Variants in IQGAP1 observed in about 807,000 individuals in gnomAD.
IQGAP1 encodes the protein ras GTPase-activating-like protein IQGAP1.
A neutral mutation model predicts 215.6 loss-of-function variants in IQGAP1; 66 were observed. The observed-to-expected ratio is 0.31, with a 90% confidence interval of 0.25 to 0.38. IQGAP1 has a LOEUF of 0.38. IQGAP1 is among the 10% of genes least tolerant of loss of function. IQGAP1 has a pLI of 1.00. For missense variants in IQGAP1, 1,712 were observed against 1,997.1 expected, an observed-to-expected ratio of 0.86 and a Z score of 2.72; for synonymous variants, 772 against 728.7, an observed-to-expected ratio of 1.06 and a Z score of -0.96.
chr15:90,447,468 A>T (rs184933037), intron 9 of IQGAP1, among the ~76,000 whole-genome samples: 1 of 152,110 alleles, frequency 6.6e-6, no homozygotes, highest in Admixed American at 6.5e-5. Context: ...TTTTTTACTA[A>T]TGAAAACATT....
chr15:90,441,789 CAA>C, intron 8 of IQGAP1, 105 bp downstream of exon 8: 1 of 758,992 alleles, frequency 1.3e-6, no homozygotes, highest in South Asian at 2.0e-5. Flanking sequence ...TTACATACAA[CAA>C]AATTCACCGG....
chr15:90,422,791 G>C (rs1031043769), intron 2 of IQGAP1, among the ~76,000 whole-genome samples: 7 of 151,434 alleles, frequency 4.6e-5, no homozygotes, highest in African/African-American at 1.7e-4. Flanking sequence ...GACCTCCTGG[G>C]CTCAAACGGT....
At chr15:90,390,902 T>A in intron 2 of IQGAP1, 29 bp downstream of exon 2, 1 of 1,298,440 alleles carries the variant, frequency 7.7e-7, no homozygotes, top group Non-Finnish European at 1.1e-6. Flanking sequence ...GAGAGAAGAT[T>A]AAGAGAAGGG....
At chr15:90,484,080 A>G in intron 29 of IQGAP1, 140 bp from the exon 30 acceptor site, 1 of 737,690 alleles carries the variant, frequency 1.4e-6, no homozygotes, top group Non-Finnish European at 2.3e-6. Flanking sequence ...CAAGCACAGC[A>G]AACACACAGC....
intron 2 of IQGAP1, among the ~76,000 whole-genome samples, chr15:90,413,419 A>T (rs192092680): frequency 8.5e-5 from 13 of 152,376 alleles, no homozygotes; most frequent in African/African-American, 2.6e-4. Flanking sequence ...AGAATGCCTC[A>T]GCAAGAGAGA....
intron 26 of IQGAP1, among the ~76,000 whole-genome samples, chr15:90,478,242 C>T (rs905624026): frequency 6.6e-6 from 1 of 152,162 alleles, no homozygotes; most frequent in Admixed American, 6.5e-5. Context: ...CCATCTGCCT[C>T]GGCCTCCCAA....
intron 2 of IQGAP1, among the ~76,000 whole-genome samples, chr15:90,421,475 CA>C (rs201106789): frequency 0.28 from 26,402 of 95,048 alleles, 2,101 homozygotes; most frequent in Middle Eastern, 0.35. Flanking sequence ...GACTCCGTTT[CA>C]AAAAAAAAAA....
chr15:90,423,582 T>A (rs1965178817), intron 2 of IQGAP1, among the ~76,000 whole-genome samples: 1 of 152,180 alleles, frequency 6.6e-6, no homozygotes, highest in South Asian at 2.1e-4. Flanking sequence ...CATTGTGAAA[T>A]AGCTCAGATT....
intron 2 of IQGAP1, among the ~76,000 whole-genome samples, chr15:90,396,735 G>A (rs1231632719): frequency 6.6e-6 from 1 of 152,198 alleles, no homozygotes; most frequent in African/African-American, 2.4e-5. Context: ...TTTATTAAAA[G>A]TGGTTGAAGC....
intron 7 of IQGAP1, 101 bp downstream of exon 7, chr15:90,440,716 C>CAAGATTTATTT: frequency 1.4e-6 from 1 of 723,796 alleles, no homozygotes; most frequent in Non-Finnish European, 2.3e-6. Flanking sequence ...ATCTTGCCAG[C>CAAGATTTATTT]AAGTTTAAGT....
intron 14 of IQGAP1, 25 bp from the exon 15 acceptor site, chr15:90,456,127 A>C: frequency 6.3e-7 from 1 of 1,598,556 alleles, no homozygotes; most frequent in Non-Finnish European, 8.5e-7. Context: ...TAGAAAAAAA[A>C]AACTTTCTGT....
intron 17 of IQGAP1, among the ~76,000 whole-genome samples, chr15:90,466,860 G>A (rs1351956863): frequency 1.5e-4 from 23 of 152,224 alleles, no homozygotes; most frequent in South Asian, 4.1e-4. Flanking sequence ...GGGAGGCTGA[G>A]GCGGGCAGAT....
chr15:90,441,647 A>T lies in IQGAP1; in HGVS notation c.791A>T (p.Gln264Leu), dbSNP rs1406071025. 2 of 1,611,568 alleles carry T rather than the reference A, an allele frequency of 1.2e-6. No individual in the cohort carries two copies. The highest frequency in any genetic ancestry group is 2.7e-5 in the African/African-American group (2 of 74,776). Residue 264 changes from glutamine to leucine, a missense_variant, in exon 8 of 38, where the codon CAG becomes CTG. This residue lies in a region of IQGAP1 where 1,021 missense variants were observed against 1,074.2 expected (regional missense o/e 0.95). Coordinates refer to ENST00000268182, the MANE Select transcript of IQGAP1 (RefSeq NM_003870.4). ...TCCACTTACCAGGATATACTTTACC[A>T]GGCTAAGCAGGACAAAATGACAAAT... ...LASTYQDILY[Q>L]AKQDKMTNAK...
In IQGAP1 at chr15:90,487,006, G is replaced by T. The variant is rs138905294; in HGVS notation, c.4077G>T (p.Thr1359=). 3.4e-4 allele frequency: 542 copies of T among 1,614,012 alleles called. 2 individuals are homozygous for T. In the East Asian group the frequency reaches 3.6e-3, roughly 11 times the overall value. The change falls in exon 32 of 38, where the codon ACG becomes ACT. Residue 1359 remains threonine (T), a synonymous_variant. Transcript: ENST00000268182. ...CAAATAAGGAGGCACTGGCTAAGAC[G>T]GAAGTGTCTCTCACCCTGACCAACA... ...NDPNKEALAK[T]EVSLTLTNKF...
chr15:90,420,354 T>G (rs1226763949), intron 2 of IQGAP1, among the ~76,000 whole-genome samples: 1 of 152,166 alleles, frequency 6.6e-6, no homozygotes, highest in African/African-American at 2.4e-5. Flanking sequence ...CCATGGCCAG[T>G]GCTACTCACA....
chr15:90,422,608 TCA>T (rs1491296591), intron 2 of IQGAP1, among the ~76,000 whole-genome samples: 7 of 118,944 alleles, frequency 5.9e-5, no homozygotes, highest in East Asian at 3.1e-4. Flanking sequence ...ATTGTCTCAT[TCA>T]TATATATATA....
Position 90,477,656 on chromosome 15 carries a change from G to A in IQGAP1, c.3105-9G>A, listed in dbSNP as rs952261995. On this transcript the variant is annotated splice_polypyrimidine_tract_variant and intron_variant, in intron 25 of 37. Coordinates refer to ENST00000268182, the MANE Select transcript of IQGAP1 (RefSeq NM_003870.4). ...TGACAAGTTTAAATTTTTATCTGAT[G>A]TTTTATAGGTCGAAGGTAGATCAGA... is the stretch of plus-strand genomic sequence containing the variant. The A allele has an allele frequency of 1.3e-6, 2 of 1,590,260 alleles. No individual in the cohort carries two copies. The highest frequency in any genetic ancestry group is 1.7e-6 in the Non-Finnish European group (2 of 1,158,782).
At chr15:90,407,858 G>A (rs751500302) in intron 2 of IQGAP1, among the ~76,000 whole-genome samples, 81 of 152,206 alleles carry the variant, frequency 5.3e-4, no homozygotes, top group Middle Eastern at 6.3e-3. Context: ...GTATAAAACA[G>A]TCCTGCCCTT....
chr15:90,427,468 A>G lies in IQGAP1; in HGVS notation c.312+1202A>G, dbSNP rs2283440. On this transcript the variant is annotated intron_variant, in intron 3 of 37. Coordinates refer to ENST00000268182, the MANE Select transcript of IQGAP1 (RefSeq NM_003870.4). ...TAAGTTGGAATGTTGGGCCAGGCCC[A>G]GTAGTTCATGCCTGTAATCCCAGCA... 8.6e-3 allele frequency among the ~76,000 whole-genome samples: 1,315 copies of G among 152,252 alleles called. 39 individuals carry two copies. In the East Asian group the frequency reaches 0.11, roughly 12 times the overall value.
Sources: allele counts gnomAD v4.1 joint callset (sites outside exome capture counted in the v4.1 genomes callset), GRCh38; gene constraint gnomAD v4.1.1; regional missense constraint gnomAD v4.1.1; transcripts MANE v1.5; gene names NCBI Gene and HGNC (gene_info 2026-07-23, HGNC 2026-07-21).